The following RALYL variants were observed in gnomAD, a reference collection of about 807,000 sequenced individuals.
RALYL encodes the protein RALY RNA binding protein like.
In RALYL, 29 loss-of-function variants were observed where a neutral mutation model predicts 35.1. The ratio of observed to expected loss-of-function variants is 0.83; its 90% CI spans 0.61 to 1.13. The LOEUF is 1.13. Ranked by LOEUF, RALYL falls within the 50% of genes most tolerant of loss-of-function variation. The pLI is 0.00. For missense variants in RALYL, 359 were observed against 360.4 expected (o/e 1.00, Z 0.03); for synonymous variants, 120 against 127.6 (o/e 0.94, Z 0.40).
chr8:84,722,905 G>T (rs1429940559), intron 2 of RALYL, among the ~76,000 whole-genome samples: 1 of 151,184 alleles, frequency 6.6e-6, no homozygotes, highest in Non-Finnish European at 1.5e-5. Context: ...AATCAACCAG[G>T]TTCACTTCAC....
At chr8:84,334,761 A>C (rs1240070519) in intron 1 of RALYL, among the ~76,000 whole-genome samples, 1 of 152,088 alleles carries the variant, frequency 6.6e-6, no homozygotes, top group Non-Finnish European at 1.5e-5. Flanking sequence ...CTGGAACATA[A>C]CCTCAGCTTT....
At chr8:84,831,148 TGA>T (rs1488877584) in intron 4 of RALYL, among the ~76,000 whole-genome samples, 1 of 152,102 alleles carries the variant, frequency 6.6e-6, no homozygotes, top group Non-Finnish European at 1.5e-5. Flanking sequence ...TTATAGAACA[TGA>T]GTCAATAATA....
intron 1 of RALYL, among the ~76,000 whole-genome samples, chr8:84,299,429 AT>A (rs955388764): frequency 1.3e-5 from 2 of 151,430 alleles, no homozygotes; most frequent in Admixed American, 6.6e-5. Flanking sequence ...CTGAAGTTTT[AT>A]TTTTTTGTTG....
chr8:84,372,917 C>CTTTTTTTTTTTTTTTTTTTTTT (rs1856174202), intron 1 of RALYL, among the ~76,000 whole-genome samples: 149 of 49,028 alleles, frequency 3.0e-3, no homozygotes, highest in African/African-American at 5.7e-3. Context: ...TTTTTTTTTA[C>CTTTTTTTTTTTTTTTTTTTTTT]TTTTTAATAA....
intron 1 of RALYL, among the ~76,000 whole-genome samples, chr8:84,432,087 C>G (rs1305893614): frequency 6.6e-6 from 1 of 152,088 alleles, no homozygotes; most frequent in Admixed American, 6.6e-5. Flanking sequence ...GGATATGTAT[C>G]CAAAAGATTT....
intron 1 of RALYL, among the ~76,000 whole-genome samples, chr8:84,460,368 T>A (rs558892814): frequency 6.6e-6 from 1 of 151,866 alleles, no homozygotes; most frequent in African/African-American, 2.4e-5. Context: ...ACTTGCAAAG[T>A]GAAGGCTGTA....
intron 1 of RALYL, among the ~76,000 whole-genome samples, chr8:84,451,654 G>C: frequency 6.6e-6 from 1 of 151,896 alleles, no homozygotes; most frequent in South Asian, 2.1e-4. Flanking sequence ...TTTTCACAAT[G>C]AAAGAGAGCA....
In RALYL at chr8:84,437,029, A is replaced by G. The variant is rs148872127; in HGVS notation, c.-23-92270A>G. Among the ~76,000 whole-genome samples the G allele has an allele frequency of 3.8e-3, 578 of 151,614 alleles. 1 individual carries two copies. Among genetic ancestry groups the G allele is most frequent in the Non-Finnish European group, 4.5e-3 (308 of 67,858 alleles). ...TTTCAACCCTTGCTCCCTCCTCCTT[A>G]CCCCCTTGTAGTAGTCCCAATGTTT... On this transcript the variant is annotated intron_variant, in intron 1 of 8. Coordinates refer to ENST00000521268, the MANE Select transcript of RALYL (RefSeq NM_173848.7).
At chr8:84,648,507 A>G (rs914369712) in intron 2 of RALYL, among the ~76,000 whole-genome samples, 2 of 152,144 alleles carry the variant, frequency 1.3e-5, no homozygotes, top group East Asian at 1.9e-4. Flanking sequence ...CTTTTGTCCA[A>G]TGATTCTGAT....
At chr8:84,486,952 G>C (rs538954661) in intron 1 of RALYL, among the ~76,000 whole-genome samples, 6 of 151,942 alleles carry the variant, frequency 3.9e-5, no homozygotes, top group Admixed American at 6.6e-5. Context: ...GAGACTTTAC[G>C]CCCAAGGGGG....
At chr8:84,510,377 A>G (rs1216881101) in intron 1 of RALYL, among the ~76,000 whole-genome samples, 1 of 152,152 alleles carries the variant, frequency 6.6e-6, no homozygotes, top group African/African-American at 2.4e-5. Context: ...GCTTTACTTG[A>G]TATGTGTCCA....
intron 1 of RALYL, among the ~76,000 whole-genome samples, chr8:84,437,389 G>T (rs576757944): frequency 6.6e-6 from 1 of 152,272 alleles, no homozygotes; most frequent in Admixed American, 6.5e-5. Flanking sequence ...TAAAGGGATT[G>T]CTAGGTTGAA....
intron 1 of RALYL, among the ~76,000 whole-genome samples, chr8:84,404,873 A>G (rs931637939): frequency 2.0e-5 from 3 of 152,176 alleles, no homozygotes; most frequent in African/African-American, 4.8e-5. Context: ...CCTAATAGAC[A>G]TTTATAGAAC....
intron 2 of RALYL, among the ~76,000 whole-genome samples, chr8:84,714,516 A>G (rs892126952): frequency 2.0e-5 from 3 of 151,462 alleles, no homozygotes; most frequent in African/African-American, 4.8e-5. Context: ...ATTTTTATTA[A>G]TCAATAAACT....
chr8:84,519,865 G>C (rs1313474332), intron 1 of RALYL, among the ~76,000 whole-genome samples: 1 of 152,162 alleles, frequency 6.6e-6, no homozygotes, highest in Non-Finnish European at 1.5e-5. Flanking sequence ...GATTTTTACA[G>C]GATGTTGCTG....
chr8:84,428,733 T>C (rs1450578316), intron 1 of RALYL, among the ~76,000 whole-genome samples: 2 of 152,166 alleles, frequency 1.3e-5, no homozygotes, highest in African/African-American at 2.4e-5. Context: ...GATAAAGGAA[T>C]TCACACAGAA....
chr8:84,557,272 A>G (rs1050865046), intron 2 of RALYL, among the ~76,000 whole-genome samples: 2 of 152,204 alleles, frequency 1.3e-5, no homozygotes, highest in African/African-American at 2.4e-5. Flanking sequence ...GAGAGTTTTT[A>G]TAAATAATCC....
At chr8:84,721,688 A>T (rs950054923) in intron 2 of RALYL, among the ~76,000 whole-genome samples, 1 of 152,120 alleles carries the variant, frequency 6.6e-6, no homozygotes, top group Non-Finnish European at 1.5e-5. Context: ...TTTTTTTAAC[A>T]TCAACATCAG....
intron 7 of RALYL, among the ~76,000 whole-genome samples, chr8:84,873,657 T>A (rs1840626764): frequency 6.6e-6 from 1 of 152,206 alleles, no homozygotes. Context: ...CAGTAGTAGT[T>A]GAGTCACAGT....
Sources: gnomAD v4.1 joint callset for allele counts (sites outside exome capture counted in the v4.1 genomes callset) on GRCh38, gnomAD v4.1.1 for gene constraint, MANE v1.5 for transcripts, NCBI Gene and HGNC (gene_info 2026-07-23, HGNC 2026-07-21) for gene names.